ERN1: variants seen among roughly 807,000 people sequenced by gnomAD.
ERN1 encodes serine/threonine-protein kinase/endoribonuclease IRE1.
Under a neutral mutation model 113.1 loss-of-function variants are expected in ERN1, and 39 were observed. That is an observed-to-expected ratio of 0.34 (90% confidence interval 0.27 to 0.45). The LOEUF (loss-of-function observed/expected upper bound fraction) is 0.45. ERN1 is among the 20% of genes least tolerant of loss of function. The pLI is 1.00. For missense variants in ERN1, 976 were observed against 1,274.8 expected, an observed-to-expected ratio of 0.77 and a Z score of 3.57; for synonymous variants, 507 against 515.9, an observed-to-expected ratio of 0.98 and a Z score of 0.23.
chr17:64,129,882 C>G (rs1915189822), intron 1 of ERN1, 94 bp downstream of exon 1: 2 of 1,190,308 alleles, frequency 1.7e-6, no homozygotes, highest in African/African-American at 3.2e-5. Context: ...GTCGCGCTCC[C>G]AGCTCGGACT....
intron 4 of ERN1, among the ~76,000 whole-genome samples, chr17:64,078,489 T>C (rs555972967): frequency 1.3e-5 from 2 of 152,338 alleles, no homozygotes; most frequent in African/African-American, 4.8e-5. Flanking sequence ...GATTTTTTCC[T>C]AAATTTATAG....
chr17:64,129,824 C>T, intron 1 of ERN1, 152 bp downstream of exon 1: 2 of 656,188 alleles, frequency 3.0e-6, no homozygotes, highest in Non-Finnish European at 4.4e-6. Flanking sequence ...CTCCTACGCC[C>T]GGCCCGAGCC....
rs1376544697 is a variant in ERN1, at chr17:64,072,049, T to C, written c.410A>G (p.Gln137Arg). ...ATCTGCAAAGGCCGATGACAAAGTC[T>C]GCTGCTTCTCTCCGGTCAGGAGGTC... ...VIDLLTGEKQ[Q>R]TLSSAFADSL... Residue 137 changes from glutamine to arginine, a missense_variant, in exon 6 of 22, where the codon CAG becomes CGG. Physicochemically the swap from Gln to Arg is conservative, Grantham distance 43. Around this residue, in one of 5 missense-constraint regions of ERN1, gnomAD observed 459 missense variants for 581.2 expected, o/e 0.79. Transcript: ENST00000433197. The C allele has an allele frequency of 6.2e-7, 1 of 1,609,932 alleles. No homozygotes were observed. The highest frequency in any genetic ancestry group is 2.2e-5 in the East Asian group (1 of 44,816).
chr17:64,071,949 C>T, intron 6 of ERN1, 32 bp downstream of exon 6: 2 of 1,550,270 alleles, frequency 1.3e-6, no homozygotes, highest in Non-Finnish European at 1.7e-6. Flanking sequence ...TGGAAACAGG[C>T]AGGTTGTAGA....
At chr17:64,075,400 A>G (rs530619788) in intron 4 of ERN1, among the ~76,000 whole-genome samples, 153 bp from the exon 5 acceptor site, 1 of 152,300 alleles carries the variant, frequency 6.6e-6, no homozygotes, top group African/African-American at 2.4e-5. Flanking sequence ...ACAAAGGAGA[A>G]GGGGGCACCC....
rs948914146 is a variant in ERN1 at position 64,063,354 on chromosome 17, A to G, written c.1087+632T>C. Among the ~76,000 whole-genome samples the G allele has an allele frequency of 6.6e-6, 1 of 152,230 alleles. No homozygotes were observed. The highest frequency in any genetic ancestry group is 2.4e-5 in the African/African-American group (1 of 41,454). ...GTTTGTCACACTCACTGCCAACTCA[A>G]GAAGTGTCATCTCAACTTATCTCTC... On this transcript the variant is annotated intron_variant, in intron 10 of 21. Transcript: ENST00000433197. This position sits in a 1 kb window ranked among gnomAD's most constrained non-coding sequence, Gnocchi z 5.1.
chr17:64,104,954 A>C (rs527590917), intron 1 of ERN1, among the ~76,000 whole-genome samples: 1 of 152,268 alleles, frequency 6.6e-6, no homozygotes, highest in South Asian at 2.1e-4. Flanking sequence ...CGAGGTTTAT[A>C]ATCTCTGCTC....
chr17:64,067,061 T>C, intron 7 of ERN1, 129 bp from the exon 8 acceptor site: 1 of 971,536 alleles, frequency 1.0e-6, no homozygotes, highest in Non-Finnish European at 1.5e-6. Context: ...TCAGATCTCC[T>C]CTGAGCAATT....
At chr17:64,083,292 C>T (rs1007684649) in intron 2 of ERN1, among the ~76,000 whole-genome samples, 1 of 151,108 alleles carries the variant, frequency 6.6e-6, no homozygotes, top group African/African-American at 2.4e-5. Flanking sequence ...GGAAAGTCAG[C>T]AAAAATAAAA....
intron 6 of ERN1, among the ~76,000 whole-genome samples, chr17:64,071,767 G>A (rs1913426567): frequency 6.6e-6 from 1 of 152,154 alleles, no homozygotes; most frequent in Non-Finnish European, 1.5e-5. Flanking sequence ...GGTGGCAGCG[G>A]CGTCACAGGG....
At chr17:64,101,307 G>T (rs1003644078) in intron 1 of ERN1, among the ~76,000 whole-genome samples, 1 of 152,058 alleles carries the variant, frequency 6.6e-6, no homozygotes, top group Non-Finnish European at 1.5e-5. Context: ...TACTAGAGAC[G>T]CTGAGGCAGA....
chr17:64,068,545 T>C (rs1913311971), intron 6 of ERN1, among the ~76,000 whole-genome samples: 1 of 152,182 alleles, frequency 6.6e-6, no homozygotes, highest in South Asian at 2.1e-4. Flanking sequence ...CTCACAGAAG[T>C]GTAAGCAATA....
intron 1 of ERN1, among the ~76,000 whole-genome samples, chr17:64,111,722 G>A (rs1284360048): frequency 1.3e-5 from 2 of 152,104 alleles, no homozygotes; most frequent in African/African-American, 2.4e-5. Context: ...CTGGATTGTG[G>A]GGCAAGGTGG....
intron 19 of ERN1, among the ~76,000 whole-genome samples, chr17:64,046,660 C>A (rs758927228): frequency 6.6e-6 from 1 of 152,226 alleles, no homozygotes; most frequent in African/African-American, 2.4e-5. Flanking sequence ...GTGAATGCAG[C>A]AGTCAAGCAC....
chr17:64,066,317 T>C (rs1263899598), intron 8 of ERN1, among the ~76,000 whole-genome samples: 1 of 152,164 alleles, frequency 6.6e-6, no homozygotes, highest in African/African-American at 2.4e-5. Flanking sequence ...TGTGTGTGTG[T>C]GGTGGCAGGG....
chr17:64,080,639 G>T, intron 3 of ERN1, 136 bp downstream of exon 3: 2 of 762,842 alleles, frequency 2.6e-6, no homozygotes, highest in Non-Finnish European at 4.3e-6. Flanking sequence ...CATAGCACCT[G>T]TAAGACTTTA....
Position 64,063,022 on chromosome 17 carries a change from G to T in ERN1, c.1087+964C>A, listed in dbSNP as rs983548145. ...TGCCTGGCAGATCCTGCTGTTTCCT[G>T]GTCCCCACATGCTCCCAGCTGCCCC... On this transcript the variant is annotated intron_variant, in intron 10 of 21. Coordinates refer to ENST00000433197, the MANE Select transcript of ERN1 (RefSeq NM_001433.5). This position sits in a 1 kb window ranked among gnomAD's most constrained non-coding sequence, Gnocchi z 5.1. Among the ~76,000 whole-genome samples, 2 of 152,146 alleles carry T rather than the reference G, an allele frequency of 1.3e-5. No individual in the cohort carries two copies. Among genetic ancestry groups the T allele is most frequent in the African/African-American group, 4.8e-5 (2 of 41,426 alleles).
chr17:64,103,272 G>A (rs929084449), intron 1 of ERN1, among the ~76,000 whole-genome samples: 2 of 151,990 alleles, frequency 1.3e-5, no homozygotes, highest in African/African-American at 2.4e-5. Context: ...CGAGGTGGGC[G>A]GATCACTTGA....
chr17:64,072,039 T>C lies in ERN1; in HGVS notation c.420A>G (p.Ser140=), dbSNP rs1460564682. ...GGCAGAGACTATCTGCAAAGGCCGA[T>C]GACAAAGTCTGCTGCTTCTCTCCGG... The part of the protein sequence containing the change: ...LLTGEKQQTL[S]SAFADSLCPS... The change falls in exon 6 of 22, where the codon TCA becomes TCG. Residue 140 remains serine (S), a synonymous_variant. Coordinates refer to ENST00000433197, the MANE Select transcript of ERN1 (RefSeq NM_001433.5). 1 of 1,607,584 alleles carries C rather than the reference T, an allele frequency of 6.2e-7. No homozygotes were observed. Among genetic ancestry groups the C allele is most frequent in the Non-Finnish European group, 8.5e-7 (1 of 1,176,814 alleles).
Sources: gnomAD v4.1 joint callset for allele counts (sites outside exome capture counted in the v4.1 genomes callset) on GRCh38, gnomAD v4.1.1 for gene constraint, gnomAD v4.1.1 regional missense constraint, Gnocchi (gnomAD v3.1) non-coding constraint, MANE v1.5 for transcripts, NCBI Gene and HGNC (gene_info 2026-07-23, HGNC 2026-07-21) for gene names.